PRKDC: variants seen among roughly 807,000 people sequenced by gnomAD.
The protein encoded by PRKDC is DNA-dependent protein kinase catalytic subunit.
PRKDC carries 82 observed loss-of-function variants against 486.9 expected under a neutral mutation model. The observed-to-expected ratio is 0.17, with a 90% confidence interval of 0.14 to 0.20. The LOEUF (loss-of-function observed/expected upper bound fraction) is 0.20, where lower values mean the gene tolerates loss of function less well. Ranked by LOEUF, PRKDC falls within the 10% of genes least tolerant of loss-of-function variation. The probability of loss-of-function intolerance (pLI) is 1.00; values close to 1 mark genes in which losing one functional copy is unlikely to be tolerated. For missense variants in PRKDC, 4,504 were observed against 5,038.2 expected (o/e 0.89, Z 3.21); for synonymous variants, 1,895 against 1,837.0 (o/e 1.03, Z -0.81).
At chr8:47,871,618 G>A (rs2088954763) in intron 40 of PRKDC, among the ~76,000 whole-genome samples, 1 of 152,052 alleles carries the variant, frequency 6.6e-6, no homozygotes, top group Non-Finnish European at 1.5e-5. Context: ...GTTTTTTTAA[G>A]ATGGAGTTTC....
At chr8:47,921,586 C>T (rs933782879) in intron 21 of PRKDC, among the ~76,000 whole-genome samples, 3 of 152,042 alleles carry the variant, frequency 2.0e-5, no homozygotes, top group Non-Finnish European at 2.9e-5. Flanking sequence ...CTAACAGGCA[C>T]GTGCATGCTG....
intron 20 of PRKDC, 136 bp downstream of exon 20, chr8:47,927,635 C>T: frequency 1.7e-6 from 2 of 1,181,056 alleles, no homozygotes; most frequent in Non-Finnish European, 2.3e-6. Flanking sequence ...CAGTAAGTGG[C>T]AGAAGCAGAC....
At chr8:47,781,378 T>A (rs1443102275) in intron 80 of PRKDC, among the ~76,000 whole-genome samples, 1 of 152,228 alleles carries the variant, frequency 6.6e-6, no homozygotes, top group African/African-American at 2.4e-5. Context: ...ATATGTTTGA[T>A]ATTTTCAGAA....
chr8:47,828,554 A>G (rs2087790657), intron 61 of PRKDC, among the ~76,000 whole-genome samples: 1 of 152,232 alleles, frequency 6.6e-6, no homozygotes, highest in Admixed American at 6.5e-5. Context: ...TTATGGAAAC[A>G]TGGACTTTTG....
chr8:47,918,556 C>T (rs930670782), intron 21 of PRKDC, among the ~76,000 whole-genome samples, 173 bp from the exon 22 acceptor site: 8 of 152,194 alleles, frequency 5.3e-5, no homozygotes, highest in African/African-American at 9.7e-5. Flanking sequence ...TTAAACATCA[C>T]TGTCTGCCAA....
In PRKDC at chr8:47,955,963, AAAAATAACC is replaced by A; in HGVS notation, c.325-24_325-16del. On this transcript the variant is annotated splice_polypyrimidine_tract_variant and intron_variant, in intron 3 of 85. Transcript: ENST00000314191. ...GTACAAGTGTTCTAGGTTTTAAAAA[AAAAATAACC>A]AAAATCATCAATAAGATATAAAAAC... 1 of 1,521,712 alleles carries A rather than the reference AAAAATAACC, an allele frequency of 6.6e-7. No individual in the cohort carries two copies. The highest frequency in any genetic ancestry group is 9.0e-7 in the Non-Finnish European group (1 of 1,113,872). 94.3% of individuals were successfully genotyped at this position (1,521,712 alleles called of 1,614,324 possible).
intron 4 of PRKDC, among the ~76,000 whole-genome samples, chr8:47,955,018 G>A (rs1326680353): frequency 6.6e-6 from 1 of 151,816 alleles, no homozygotes; most frequent in Admixed American, 6.6e-5. Context: ...GCCAGGCATG[G>A]TGGCACATGC....
Position 47,927,283 on chromosome 8 carries a change from G to A in PRKDC, c.2330C>T (p.Ser777Leu), listed in dbSNP as rs1178570464. 2 of 1,613,518 alleles carry A rather than the reference G, an allele frequency of 1.2e-6. No homozygotes were observed. Among genetic ancestry groups the A allele is most frequent in the Admixed American group, 3.3e-5 (2 of 59,996 alleles). ...CATTACATGTCTGTCAATATAAATT[G>A]ACCATTCTTCTAGAGCATTCAGGCC... Reference protein sequence around the residue: ...EVGLNALEEWSIYIDRHVMQP... With the variant: ...EVGLNALEEWLIYIDRHVMQP... The change falls in exon 21 of 86, where the codon TCA (serine) becomes TTA (leucine). Residue 777 changes from serine to leucine, a missense_variant. Ser to Leu is a moderately radical substitution (Grantham distance 145, BLOSUM62 -2). Transcript: ENST00000314191.
At chr8:47,898,629 A>G in intron 28 of PRKDC, 60 bp from the exon 29 acceptor site, 2 of 1,054,554 alleles carry the variant, frequency 1.9e-6, no homozygotes, top group Non-Finnish European at 2.5e-6. Context: ...TTATTATTAA[A>G]TTTGTATTAT....
intron 44 of PRKDC, 37 bp from the exon 45 acceptor site, chr8:47,861,008 T>C: frequency 7.2e-7 from 1 of 1,386,732 alleles, no homozygotes; most frequent in Non-Finnish European, 9.9e-7. Context: ...TAAAACATTT[T>C]ATAATAATAG....
rs1309929519 is a variant in PRKDC at position 47,831,936 on chromosome 8, G to A, written c.8153-10C>T. ...GTCCGGCCGGCCGCACCTGGAGAGG[G>A]AAAGCAGGCCCAGTTACTCCCCGCC... On this transcript the variant is annotated splice_polypyrimidine_tract_variant and intron_variant, in intron 59 of 85. Coordinates refer to ENST00000314191, the MANE Select transcript of PRKDC (RefSeq NM_006904.7). The A allele has an allele frequency of 4.4e-6, 7 of 1,607,328 alleles. No individual in the cohort carries two copies. Among genetic ancestry groups the A allele is most frequent in the Middle Eastern group, 1.7e-4 (1 of 5,954 alleles).
At chr8:47,859,363 A>G (rs1355277229) in intron 46 of PRKDC, among the ~76,000 whole-genome samples, 1 of 152,060 alleles carries the variant, frequency 6.6e-6, no homozygotes, top group Non-Finnish European at 1.5e-5. Flanking sequence ...CCGGGAGTGC[A>G]CCTCAGGTCA....
rs185048280 is a variant in PRKDC, at chr8:47,797,035, G to A, written c.10458+1202C>T. Among the ~76,000 whole-genome samples the A allele has an allele frequency of 1.1e-3, 172 of 152,008 alleles. 1 individual carries two copies. Among genetic ancestry groups the A allele is most frequent in the African/African-American group, 3.8e-3 (156 of 41,436 alleles). ...CACATTTTCCTCTGATACTTTTAAG[G>A]TGTCTTTCTGAAGATAAAACCTGAT... On this transcript the variant is annotated intron_variant, in intron 73 of 85. Coordinates refer to ENST00000314191, the MANE Select transcript of PRKDC (RefSeq NM_006904.7).
chr8:47,781,936 A>G (rs187209409), intron 80 of PRKDC, among the ~76,000 whole-genome samples: 118 of 152,374 alleles, frequency 7.7e-4, no homozygotes, highest in Middle Eastern at 3.4e-3. Flanking sequence ...ATTTCCTTCA[A>G]CAATTTTTCT....
chr8:47,838,073 T>C (rs920249483), intron 56 of PRKDC, among the ~76,000 whole-genome samples: 9 of 151,712 alleles, frequency 5.9e-5, no homozygotes, highest in African/African-American at 1.9e-4. Context: ...GAGGCGGAGG[T>C]TGCAATGAGC....
intron 68 of PRKDC, among the ~76,000 whole-genome samples, chr8:47,815,716 T>C (rs1218257227): frequency 6.6e-6 from 1 of 152,116 alleles, no homozygotes; most frequent in Non-Finnish European, 1.5e-5. Context: ...AATGGTAGAG[T>C]TGGAAATTAT....
chr8:47,825,574 T>C (rs970572139), intron 63 of PRKDC, among the ~76,000 whole-genome samples: 7 of 99,328 alleles, frequency 7.0e-5, no homozygotes, highest in African/African-American at 2.8e-4. Flanking sequence ...AATGCAAAAA[T>C]ATCACAAAAG....
chr8:47,944,469 A>G (rs1467912362), intron 7 of PRKDC, among the ~76,000 whole-genome samples: 2 of 149,054 alleles, frequency 1.3e-5, no homozygotes, highest in South Asian at 4.2e-4. Flanking sequence ...CACCTAGTAC[A>G]TGTAAGAAAA....
chr8:47,936,825 G>A (rs935984463), intron 11 of PRKDC, among the ~76,000 whole-genome samples: 5 of 147,070 alleles, frequency 3.4e-5, no homozygotes, highest in African/African-American at 1.3e-4. Context: ...GGGTTTCTCC[G>A]TGTTGGTCAG....
Sources: allele counts gnomAD v4.1 joint callset (sites outside exome capture counted in the v4.1 genomes callset), GRCh38; gene constraint gnomAD v4.1.1; transcripts MANE v1.5; gene names NCBI Gene and HGNC (gene_info 2026-07-23, HGNC 2026-07-21).